The following FHOD3 variants were observed in gnomAD, a reference collection of about 807,000 sequenced individuals.
The protein encoded by FHOD3 is FH1/FH2 domain-containing protein 3.
FHOD3 carries 90 observed loss-of-function variants against 173.0 expected under a neutral mutation model. The observed-to-expected ratio is 0.52, with a 90% CI of 0.44 to 0.62. The LOEUF is 0.62. Among genes scored for constraint, FHOD3 ranks in the 20% least tolerant of loss-of-function variants. FHOD3 has a pLI of 0.00. For missense variants in FHOD3, 1,945 were observed against 2,034.7 expected (o/e 0.96, Z 0.85); for synonymous variants, 828 against 823.0 (o/e 1.01, Z -0.10).
At chr18:36,485,770 A>G (rs2054161413) in intron 3 of FHOD3, among the ~76,000 whole-genome samples, 1 of 152,192 alleles carries the variant, frequency 6.6e-6, no homozygotes. Context: ...GAGGGTGATT[A>G]TTAACTATTC....
intron 2 of FHOD3, among the ~76,000 whole-genome samples, chr18:36,363,319 C>T (rs1384357714): frequency 6.6e-6 from 1 of 152,198 alleles, no homozygotes; most frequent in African/African-American, 2.4e-5. Flanking sequence ...GAGTTGAAAA[C>T]TTATGTCCAT....
chr18:36,676,755 C>A (rs2037887792), intron 14 of FHOD3, among the ~76,000 whole-genome samples: 1 of 152,162 alleles, frequency 6.6e-6, no homozygotes. Flanking sequence ...TGCTTGCATT[C>A]CTTTTCCCTG....
At chr18:36,574,571 C>G (rs2058577025) in intron 5 of FHOD3, among the ~76,000 whole-genome samples, 1 of 151,994 alleles carries the variant, frequency 6.6e-6, no homozygotes, top group African/African-American at 2.4e-5. Context: ...ATACAGATTT[C>G]TCATTAGGAT....
chr18:36,343,225 A>T (rs2145517799), intron 1 of FHOD3, among the ~76,000 whole-genome samples: 1 of 152,358 alleles, frequency 6.6e-6, no homozygotes, highest in East Asian at 1.9e-4. Context: ...TAGTAGTATT[A>T]TTCATAGTAG....
chr18:36,737,088 C>T (rs530403668), intron 20 of FHOD3, among the ~76,000 whole-genome samples: 3 of 152,312 alleles, frequency 2.0e-5, no homozygotes, highest in Non-Finnish European at 4.4e-5. Context: ...TTAACCTGCC[C>T]TTCCACTGTC....
At chr18:36,445,893 G>A (rs1159994478) in intron 3 of FHOD3, among the ~76,000 whole-genome samples, 2 of 152,144 alleles carry the variant, frequency 1.3e-5, no homozygotes, top group African/African-American at 2.4e-5. Context: ...AGGTTGAAGC[G>A]GAAGTTGCCA....
chr18:36,553,440 A>G (rs908321619), intron 5 of FHOD3, among the ~76,000 whole-genome samples: 2 of 152,128 alleles, frequency 1.3e-5, no homozygotes, highest in African/African-American at 4.8e-5. Flanking sequence ...CTGTGAATCC[A>G]TCTGGTCATG....
At chr18:36,339,672 G>A (rs1478144542) in intron 1 of FHOD3, among the ~76,000 whole-genome samples, 1 of 152,210 alleles carries the variant, frequency 6.6e-6, no homozygotes, top group African/African-American at 2.4e-5. Flanking sequence ...CAGGTGCAGA[G>A]AGAGTTGGGG....
At chr18:36,298,771 TTA>T (rs1466895292) in intron 1 of FHOD3, among the ~76,000 whole-genome samples, 2 of 151,762 alleles carry the variant, frequency 1.3e-5, no homozygotes, top group Non-Finnish European at 2.9e-5. Flanking sequence ...TTTTTTTTTT[TTA>T]TTTGTTATTT....
At chr18:36,368,284 C>T (rs2047001606) in intron 2 of FHOD3, among the ~76,000 whole-genome samples, 1 of 152,142 alleles carries the variant, frequency 6.6e-6, no homozygotes, top group African/African-American at 2.4e-5. Context: ...TTGTGCATCT[C>T]ATAGAGTACA....
At chr18:36,712,465 CA>C (rs2149704642) in intron 18 of FHOD3, among the ~76,000 whole-genome samples, 1 of 103,410 alleles carries the variant, frequency 9.7e-6, no homozygotes, top group Admixed American at 1.1e-4. Context: ...AACACAGTAA[CA>C]ACAAAAAAAA....
chr18:36,303,558 C>A (rs772625508), intron 1 of FHOD3, among the ~76,000 whole-genome samples: 6 of 152,190 alleles, frequency 3.9e-5, no homozygotes, highest in Admixed American at 6.5e-5. Flanking sequence ...AATGTTAGTT[C>A]TTAATAGTGT....
chr18:36,688,000 C>T (rs1016226675), intron 16 of FHOD3, among the ~76,000 whole-genome samples: 1 of 152,110 alleles, frequency 6.6e-6, no homozygotes, highest in East Asian at 1.9e-4. Flanking sequence ...CTGTAATATT[C>T]GAACCAGCCT....
rs61735998 is a variant in FHOD3, at chr18:36,709,322, G to T, written c.2464G>T (p.Val822Phe). 32,051 of 1,614,232 alleles carry T rather than the reference G, an allele frequency of 0.02. 389 individuals carry two copies. Among genetic ancestry groups the T allele is most frequent in the Non-Finnish European group, 0.024 (28,465 of 1,180,026 alleles). ...NERDNCSASS[V>F]SSSSSTLERE... Reference sequence around the variant, plus strand: ...GAGGGACAACTGCTCTGCCTCCAGCGTCTCGTCCTCCAGCAGCACGTTGGA... The same window carrying T: ...GAGGGACAACTGCTCTGCCTCCAGCTTCTCGTCCTCCAGCAGCACGTTGGA... Residue 822 changes from valine to phenylalanine, a missense_variant, in exon 18 of 29, where the codon GTC becomes TTC. Transcript: ENST00000590592.
At chr18:36,351,874 T>C (rs4799417) in intron 1 of FHOD3, among the ~76,000 whole-genome samples, 152,087 of 152,354 alleles carry the variant, frequency 1, 75,910 homozygotes, top group Middle Eastern at 1. Context: ...CTACATCTGC[T>C]GGCCACTAGT....
intron 18 of FHOD3, among the ~76,000 whole-genome samples, chr18:36,712,416 G>C (rs1022717781): frequency 6.6e-6 from 1 of 151,336 alleles, no homozygotes. Flanking sequence ...AGAAATAAAA[G>C]ATATTAAAAA....
At chr18:36,424,597 A>T (rs1011482717) in intron 3 of FHOD3, among the ~76,000 whole-genome samples, 11 of 152,194 alleles carry the variant, frequency 7.2e-5, no homozygotes, top group African/African-American at 2.2e-4. Context: ...GAATGAATGA[A>T]TCTCAGATCA....
chr18:36,310,414 A>G (rs2092224350), intron 1 of FHOD3, among the ~76,000 whole-genome samples: 1 of 152,158 alleles, frequency 6.6e-6, no homozygotes, highest in Non-Finnish European at 1.5e-5. Context: ...GGCCGGGTGC[A>G]GTGGCTTATA....
intron 5 of FHOD3, among the ~76,000 whole-genome samples, chr18:36,515,891 C>T (rs1432986438): frequency 6.6e-6 from 1 of 152,228 alleles, no homozygotes; most frequent in African/African-American, 2.4e-5. Context: ...GGTGCCTTTG[C>T]ATGCCTATGT....
Sources: gnomAD v4.1 joint callset for allele counts (sites outside exome capture counted in the v4.1 genomes callset) on GRCh38, gnomAD v4.1.1 for gene constraint, MANE v1.5 for transcripts, NCBI Gene and HGNC (gene_info 2026-07-23, HGNC 2026-07-21) for gene names.